TRPM3: variants seen among roughly 807,000 people sequenced by gnomAD.
TRPM3 encodes the protein transient receptor potential cation channel subfamily M member 3.
In TRPM3, 77 loss-of-function variants were observed where a neutral mutation model predicts 181.2. That is an observed-to-expected ratio of 0.42 (90% CI 0.35 to 0.51). The LOEUF is 0.51. TRPM3 is among the 20% of genes least tolerant of loss of function. TRPM3 has a pLI of 0.01. For synonymous variants in TRPM3, 745 were observed against 796.4 expected (o/e 0.94, Z 1.09); for missense variants, 1,759 against 2,196.7 (o/e 0.80, Z 3.98).
intron 1 of TRPM3, among the ~76,000 whole-genome samples, chr9:70,921,371 C>T (rs973326403): frequency 6.6e-6 from 1 of 152,226 alleles, no homozygotes; most frequent in African/African-American, 2.4e-5. Context: ...TACCTAATTG[C>T]TTACTCACTT....
At chr9:71,412,668 A>C (rs1358496265) in intron 1 of TRPM3, among the ~76,000 whole-genome samples, 1 of 152,226 alleles carries the variant, frequency 6.6e-6, no homozygotes, top group African/African-American at 2.4e-5. Context: ...AACTAGTTCA[A>C]CCACTGGGGA....
intron 1 of TRPM3, among the ~76,000 whole-genome samples, chr9:71,067,545 T>C (rs144280284): frequency 5.6e-4 from 85 of 152,364 alleles, no homozygotes; most frequent in African/African-American, 2.0e-3. Context: ...CTGTTTATAC[T>C]TTATTTTCTT....
At chr9:71,077,923 T>C (rs2063699574) in intron 1 of TRPM3, among the ~76,000 whole-genome samples, 1 of 150,334 alleles carries the variant, frequency 6.7e-6, no homozygotes, top group African/African-American at 2.5e-5. Context: ...TTTTTTTTTT[T>C]CCTATCTCAG....
At chr9:71,139,088 C>T (rs1371017531) in intron 1 of TRPM3, among the ~76,000 whole-genome samples, 2 of 152,016 alleles carry the variant, frequency 1.3e-5, no homozygotes, top group Non-Finnish European at 2.9e-5. Flanking sequence ...TTTTGTTTAC[C>T]TCTTTGGTAT....
intron 1 of TRPM3, among the ~76,000 whole-genome samples, chr9:71,360,865 GA>G (rs1024718861): frequency 6.6e-6 from 1 of 151,852 alleles, no homozygotes; most frequent in African/African-American, 2.4e-5. Context: ...AAATGATCCA[GA>G]AAAAAAAGAA....
chr9:70,842,786 T>C, intron 5 of TRPM3: 1 of 503,430 alleles, frequency 2.0e-6, no homozygotes, highest in Non-Finnish European at 3.4e-6. Context: ...AAGTCTTACT[T>C]TGGACCTTTC....
At chr9:70,897,480 T>C (rs2096295187) in intron 1 of TRPM3, among the ~76,000 whole-genome samples, 1 of 151,892 alleles carries the variant, frequency 6.6e-6, no homozygotes, top group Admixed American at 6.6e-5. Context: ...GGGTAGCGAA[T>C]ATCAGCGGTG....
At chr9:70,624,354 G>C (rs1384291788) in intron 14 of TRPM3, among the ~76,000 whole-genome samples, 1 of 152,146 alleles carries the variant, frequency 6.6e-6, no homozygotes, top group African/African-American at 2.4e-5. Context: ...GCTACTCACA[G>C]GCACTATAAT....
intron 6 of TRPM3, among the ~76,000 whole-genome samples, chr9:70,803,569 C>T (rs2089880512): frequency 6.6e-6 from 1 of 151,128 alleles, no homozygotes; most frequent in Non-Finnish European, 1.5e-5. Context: ...CTGCCTCAGC[C>T]TCCAGAGTAG....
chr9:71,036,249 G>T (rs1357249923), intron 1 of TRPM3, among the ~76,000 whole-genome samples: 1 of 152,114 alleles, frequency 6.6e-6, no homozygotes, highest in Non-Finnish European at 1.5e-5. Flanking sequence ...GCAACCTGAA[G>T]TGTGACTGTA....
intron 3 of TRPM3, 22 bp downstream of exon 3, chr9:70,862,886 A>C: frequency 1.2e-6 from 2 of 1,611,516 alleles, no homozygotes; most frequent in Non-Finnish European, 1.7e-6. Flanking sequence ...ATTTGGGAGC[A>C]ACTGAATGGC....
intron 1 of TRPM3, among the ~76,000 whole-genome samples, chr9:71,036,800 C>G (rs575693750): frequency 6.6e-6 from 1 of 152,160 alleles, no homozygotes; most frequent in African/African-American, 2.4e-5. Flanking sequence ...CTGCTTTGCA[C>G]CTTTGGGATG....
At chr9:70,905,646 A>G (rs2096453761) in intron 1 of TRPM3, among the ~76,000 whole-genome samples, 1 of 152,244 alleles carries the variant, frequency 6.6e-6, no homozygotes, top group Non-Finnish European at 1.5e-5. Flanking sequence ...TGTGATGAAT[A>G]ACCTTTTGTC....
chr9:71,275,243 A>G (rs968569214), intron 1 of TRPM3, among the ~76,000 whole-genome samples: 1 of 152,202 alleles, frequency 6.6e-6, no homozygotes, highest in Non-Finnish European at 1.5e-5. Flanking sequence ...TTCAATTTCT[A>G]TTCTCCAGCA....
intron 6 of TRPM3, chr9:70,809,940 A>T (rs767058975): frequency 1.9e-6 from 1 of 534,254 alleles, no homozygotes; most frequent in African/African-American, 1.9e-5. Flanking sequence ...GGTTATCCCA[A>T]TGCATTTGAT....
chr9:70,669,491 A>C (rs1479981849), intron 9 of TRPM3, among the ~76,000 whole-genome samples: 1 of 152,166 alleles, frequency 6.6e-6, no homozygotes, highest in Non-Finnish European at 1.5e-5. Flanking sequence ...CCATTCTCTC[A>C]CTTACTACCT....
intron 1 of TRPM3, among the ~76,000 whole-genome samples, chr9:71,219,760 T>C (rs1238896627): frequency 6.6e-6 from 1 of 152,132 alleles, no homozygotes; most frequent in Non-Finnish European, 1.5e-5. Flanking sequence ...GCAAATCAGA[T>C]TGCCCAACAG....
chr9:70,583,437 T>C (rs11142497), intron 22 of TRPM3, among the ~76,000 whole-genome samples: 68,399 of 151,980 alleles, frequency 0.45, 17,660 homozygotes, highest in Non-Finnish European at 0.57. Context: ...CATGCAAACA[T>C]AGGGTGAAAC....
chr9:71,421,755 G>A (rs1361951785), intron 1 of TRPM3, among the ~76,000 whole-genome samples: 2 of 151,970 alleles, frequency 1.3e-5, no homozygotes, highest in Non-Finnish European at 2.9e-5. Flanking sequence ...GGACTGTGCC[G>A]AGTGCTGTTA....
Sources: allele counts gnomAD v4.1 joint callset (sites outside exome capture counted in the v4.1 genomes callset), GRCh38; gene constraint gnomAD v4.1.1; transcripts MANE v1.5; gene names NCBI Gene and HGNC (gene_info 2026-07-23, HGNC 2026-07-21).